WBP2NL: variants seen among roughly 807,000 people sequenced by gnomAD.
WBP2NL encodes the protein postacrosomal sheath WW domain-binding protein.
A neutral mutation model predicts 23.3 loss-of-function variants in WBP2NL; 27 were observed. That is an observed-to-expected ratio of 1.16 (90% confidence interval 0.85 to 1.60). WBP2NL has a LOEUF of 1.60. Ranked by LOEUF, WBP2NL falls within the 40% of genes most tolerant of loss-of-function variation. The probability of loss-of-function intolerance (pLI) is 0.00; values close to 1 mark genes in which losing one functional copy is unlikely to be tolerated. For synonymous variants in WBP2NL, 151 were observed against 145.9 expected (o/e 1.03, Z -0.25); for missense variants, 370 against 389.5 (o/e 0.95, Z 0.42).
At chr22:42,015,535 T>C (rs915610370) in intron 1 of WBP2NL, among the ~76,000 whole-genome samples, 3 of 152,046 alleles carry the variant, frequency 2.0e-5, no homozygotes, top group African/African-American at 7.3e-5. Context: ...CCTGAGTAGC[T>C]GGGATTATAG....
intron 8 of WBP2NL, among the ~76,000 whole-genome samples, chr22:42,056,148 C>G (rs1167851534): frequency 6.6e-6 from 1 of 151,880 alleles, no homozygotes; most frequent in African/African-American, 2.4e-5. Flanking sequence ...TTATTTTGTA[C>G]CATTTTATCT....
intron 1 of WBP2NL, among the ~76,000 whole-genome samples, chr22:42,015,717 C>G (rs1394754907): frequency 3.3e-5 from 5 of 152,062 alleles, no homozygotes; most frequent in Non-Finnish European, 7.4e-5. Flanking sequence ...TGCATCACTT[C>G]TAATTGTCAA....
At chr22:42,050,051 A>G (rs1925780060) in intron 8 of WBP2NL, among the ~76,000 whole-genome samples, 1 of 151,832 alleles carries the variant, frequency 6.6e-6, no homozygotes, top group Non-Finnish European at 1.5e-5. Context: ...TCTAAAATTT[A>G]CAGGTGGCTC....
At chr22:42,005,218 GAAAT>G (rs980652732) in intron 1 of WBP2NL, among the ~76,000 whole-genome samples, 16 of 142,546 alleles carry the variant, frequency 1.1e-4, no homozygotes, top group African/African-American at 3.7e-4. Context: ...GACTCTGTCT[GAAAT>G]AAATAAATAG....
intron 1 of WBP2NL, chr22:42,001,526 G>A: frequency 9.6e-7 from 1 of 1,036,524 alleles, no homozygotes; most frequent in South Asian, 1.3e-5. Context: ...TTCAGCTCCA[G>A]CTTTGCCCAC....
chr22:42,042,925 C>T (rs762131622), intron 8 of WBP2NL, among the ~76,000 whole-genome samples: 5 of 144,148 alleles, frequency 3.5e-5, no homozygotes, highest in Admixed American at 7.3e-5. Flanking sequence ...ATTAGCCAGG[C>T]GTGGTGGTAT....
intron 8 of WBP2NL, among the ~76,000 whole-genome samples, chr22:42,053,968 T>TA (rs201088646): frequency 1.3e-3 from 191 of 151,370 alleles, no homozygotes; most frequent in African/African-American, 4.3e-3. Context: ...ATTTTTTATT[T>TA]AAAAAAAAAT....
chr22:42,012,725 G>T (rs1009800756), intron 1 of WBP2NL, among the ~76,000 whole-genome samples: 4 of 152,120 alleles, frequency 2.6e-5, no homozygotes, highest in African/African-American at 9.7e-5. Flanking sequence ...GGGCACGGTG[G>T]CTCTCGCCTG....
intron 8 of WBP2NL, among the ~76,000 whole-genome samples, chr22:42,047,983 G>C (rs1385977332): frequency 6.6e-6 from 1 of 151,994 alleles, no homozygotes; most frequent in African/African-American, 2.4e-5. Flanking sequence ...CATAAACATA[G>C]ATGCAAAAAT....
At chr22:42,001,924 C>T (rs1602435208) in intron 1 of WBP2NL, 1 of 1,451,784 alleles carries the variant, frequency 6.9e-7, no homozygotes, top group South Asian at 1.6e-5. Flanking sequence ...GCCACTCCAC[C>T]TGCCAGGGAG....
At chr22:42,004,665 T>G (rs1401263272) in intron 1 of WBP2NL, among the ~76,000 whole-genome samples, 2 of 152,184 alleles carry the variant, frequency 1.3e-5, no homozygotes, top group Admixed American at 6.5e-5. Flanking sequence ...GGCTCACGGT[T>G]GTAATCCCAG....
intron 8 of WBP2NL, among the ~76,000 whole-genome samples, chr22:42,056,960 G>A (rs115102254): frequency 0.023 from 3,513 of 152,170 alleles, 130 homozygotes; most frequent in African/African-American, 0.081. Context: ...TGTGTGATGA[G>A]TTGCTTTTAT....
At chr22:41,998,947 G>T (rs562910032) in intron 1 of WBP2NL, 67 bp downstream of exon 1, 16 of 1,521,866 alleles carry the variant, frequency 1.1e-5, no homozygotes, top group Admixed American at 2.0e-5. Flanking sequence ...ATGGCGGCTC[G>T]CAAACTCTCA....
intron 1 of WBP2NL, among the ~76,000 whole-genome samples, chr22:42,016,511 A>G (rs1313178970): frequency 4.6e-5 from 7 of 152,236 alleles, no homozygotes; most frequent in Non-Finnish European, 5.9e-5. Context: ...ATACCAGGGT[A>G]GGTTAAAATG....
chr22:42,001,825 C>T lies in WBP2NL; in HGVS notation c.62+2945C>T, dbSNP rs895748476. ...TCTCTAATGCCCTTGTATTGCTTAT[C>T]TGCAGTGATCTGCTTGCTGGCATGC... On this transcript the variant is annotated intron_variant, in intron 1 of 5. Transcript: ENST00000328823. 13 of 1,285,544 alleles carry T rather than the reference C, an allele frequency of 1.0e-5. No individual in the cohort carries two copies. The African/African-American group carries it at 1.3e-4, about 13-fold the overall frequency. The allele number at this position is 1,285,544 out of a possible 1,614,324, so 79.6% of individuals were successfully genotyped here.
downstream of WBP2NL, among the ~76,000 whole-genome samples, chr22:42,033,434 G>A (rs989633884): frequency 1.3e-5 from 2 of 152,192 alleles, no homozygotes; most frequent in East Asian, 1.9e-4. Context: ...CAAGGGGCAT[G>A]TCTCAACCCT....
downstream of WBP2NL, among the ~76,000 whole-genome samples, chr22:42,036,978 T>C (rs1925204237): frequency 6.6e-6 from 1 of 152,182 alleles, no homozygotes. Flanking sequence ...CCTGTGCTTT[T>C]GGTGTCATAT....
At chr22:42,006,251 C>T (rs563993363) in intron 1 of WBP2NL, among the ~76,000 whole-genome samples, 9 of 148,044 alleles carry the variant, frequency 6.1e-5, no homozygotes, top group Non-Finnish European at 1.0e-4. Context: ...GACGGAGTCT[C>T]GCTCTGTCAC....
intron 8 of WBP2NL, among the ~76,000 whole-genome samples, chr22:42,053,034 C>T (rs1925891668): frequency 6.6e-6 from 1 of 152,200 alleles, no homozygotes; most frequent in African/African-American, 2.4e-5. Context: ...CATTTATCTA[C>T]TTTTTGTCTC....
Sources: gnomAD v4.1 joint callset for allele counts (sites outside exome capture counted in the v4.1 genomes callset) on GRCh38, gnomAD v4.1.1 for gene constraint, MANE v1.5 for transcripts, NCBI Gene and HGNC (gene_info 2026-07-23, HGNC 2026-07-21) for gene names.